Variants in PDE10A observed in about 807,000 individuals in gnomAD.
The protein encoded by PDE10A is cAMP and cAMP-inhibited cGMP 3',5'-cyclic phosphodiesterase 10A.
In PDE10A, 39 loss-of-function variants were observed where a neutral mutation model predicts 97.7. That is an observed-to-expected ratio of 0.40 (90% confidence interval 0.31 to 0.52). PDE10A has a LOEUF of 0.52. Among genes scored for constraint, PDE10A ranks in the 20% least tolerant of loss-of-function variants. PDE10A has a pLI of 0.56. For missense variants in PDE10A, 731 were observed against 1,047.8 expected, an observed-to-expected ratio of 0.70 and a Z score of 4.17; for synonymous variants, 371 against 376.8, an observed-to-expected ratio of 0.98 and a Z score of 0.18.
chr6:165,653,552 G>A (rs557046762), intron 1 of PDE10A, among the ~76,000 whole-genome samples: 69 of 152,264 alleles, frequency 4.5e-4, no homozygotes, highest in Non-Finnish European at 7.6e-4. Flanking sequence ...AGAGCTGCAG[G>A]GCCTGAGAGC....
intron 1 of PDE10A, chr6:165,781,729 A>C (rs1562733906): frequency 6.6e-6 from 1 of 152,434 alleles, no homozygotes; most frequent in Non-Finnish European, 1.5e-5. Flanking sequence ...GGGTGATGCT[A>C]AGTGAGAGGA....
rs185107938 is a variant in PDE10A at position 165,983,793 on chromosome 6, G to C, written c.-615+3736C>G. ...AGGCCCAAAGGGGTAAAAAACAACA[G>C]CACTGAGTTTGAGAGGCAGAGAAAA... On this transcript the variant is annotated intron_variant, in intron 1 of 19. Coordinates refer to the PDE10A transcript ENST00000366882. Among the ~76,000 whole-genome samples the C allele has an allele frequency of 1.4e-3, 210 of 152,312 alleles. 1 individual carries two copies. The highest frequency in any genetic ancestry group is 4.1e-3 in the Admixed American group (62 of 15,298).
chr6:165,904,612 T>C (rs978450000), intron 1 of PDE10A, among the ~76,000 whole-genome samples: 1 of 152,226 alleles, frequency 6.6e-6, no homozygotes, highest in Non-Finnish European at 1.5e-5. Flanking sequence ...GGCAGCAAGA[T>C]TTTTTGGAGG....
chr6:165,421,669 G>A (rs951024742), intron 10 of PDE10A, among the ~76,000 whole-genome samples: 18 of 152,314 alleles, frequency 1.2e-4, no homozygotes, highest in African/African-American at 4.1e-4. Context: ...AGAAGAACAT[G>A]TGAGGTATAC....
At chr6:165,668,730 AAG>A (rs2128435442) in intron 1 of PDE10A, among the ~76,000 whole-genome samples, 1 of 149,946 alleles carries the variant, frequency 6.7e-6, no homozygotes. Flanking sequence ...GAGAGAGAGA[AAG>A]AAAGAAAAGA....
At chr6:165,677,966 A>G (rs938350338) in intron 1 of PDE10A, among the ~76,000 whole-genome samples, 1 of 149,602 alleles carries the variant, frequency 6.7e-6, no homozygotes, top group Non-Finnish European at 1.5e-5. Context: ...TTGTATATCT[A>G]TGTGTTTTGT....
At chr6:165,400,683 G>A (rs1015544861) in intron 13 of PDE10A, among the ~76,000 whole-genome samples, 11 of 152,082 alleles carry the variant, frequency 7.2e-5, no homozygotes, top group African/African-American at 2.7e-4. Flanking sequence ...CCCCTCCCAT[G>A]TTACCCACCA....
chr6:165,490,144 C>A (rs549813055), intron 2 of PDE10A, among the ~76,000 whole-genome samples: 1 of 152,146 alleles, frequency 6.6e-6, no homozygotes, highest in Non-Finnish European at 1.5e-5. Context: ...ACAGAGTCAT[C>A]GGATTATCTA....
intron 1 of PDE10A, among the ~76,000 whole-genome samples, chr6:165,845,167 T>G (rs1016383343): frequency 6.6e-6 from 1 of 152,182 alleles, no homozygotes; most frequent in Non-Finnish European, 1.5e-5. Flanking sequence ...CTTTCTGAGA[T>G]CAGGGCATGT....
Position 165,662,917 on chromosome 6 carries a change from G to T in PDE10A, c.-106C>A, listed in dbSNP as rs1316409817. 6.6e-6 allele frequency among the ~76,000 whole-genome samples: 1 copy of T among 151,014 alleles called. No individual in the cohort carries two copies. Among genetic ancestry groups the T allele is most frequent in the East Asian group, 2.0e-4 (1 of 5,024 alleles). On this transcript the variant is annotated 5_prime_UTR_variant, in exon 1 of 22. Coordinates refer to ENST00000539869, the MANE Select transcript of PDE10A (RefSeq NM_001385079.1). ...CAGGACCTGCCCACCCCTGCCGGCC[G>T]CCCGAACCGCTGCCTGGTCCTCCTC...
At chr6:165,724,185 T>C (rs111897864) in intron 1 of PDE10A, among the ~76,000 whole-genome samples, 1,598 of 152,280 alleles carry the variant, frequency 0.01, 31 homozygotes, top group African/African-American at 0.037. Flanking sequence ...TAGGAAAAAT[T>C]GGAAAGTTTA....
At chr6:165,983,440 G>C (rs868263875) in intron 1 of PDE10A, among the ~76,000 whole-genome samples, 1 of 152,130 alleles carries the variant, frequency 6.6e-6, no homozygotes, top group African/African-American at 2.4e-5. Context: ...GAACAGGACC[G>C]AAGGGCTTTA....
At chr6:165,896,804 G>C (rs951743128) in intron 1 of PDE10A, among the ~76,000 whole-genome samples, 4 of 151,774 alleles carry the variant, frequency 2.6e-5, no homozygotes, top group Admixed American at 2.6e-4. Context: ...GATTACATGC[G>C]TGAGCCACCG....
intron 1 of PDE10A, among the ~76,000 whole-genome samples, chr6:165,629,173 G>C (rs889418315): frequency 6.6e-6 from 1 of 152,136 alleles, no homozygotes; most frequent in African/African-American, 2.4e-5. Flanking sequence ...CCGTGTGTGA[G>C]GAGAAAATCC....
chr6:165,832,239 C>CGGTGGGAGACAGAAGTGGT (rs1779941756), intron 1 of PDE10A, among the ~76,000 whole-genome samples: 1 of 152,046 alleles, frequency 6.6e-6, no homozygotes, highest in Non-Finnish European at 1.5e-5. Flanking sequence ...GCAGCTTCCT[C>CGGTGGGAGACAGAAGTGGT]GGTGGGAGAC....
At chr6:165,874,784 C>T (rs768877510) in intron 1 of PDE10A, among the ~76,000 whole-genome samples, 13 of 152,080 alleles carry the variant, frequency 8.5e-5, no homozygotes, top group Non-Finnish European at 1.6e-4. Flanking sequence ...TCCAGTATGG[C>T]GTAGTGGGTC....
intron 2 of PDE10A, among the ~76,000 whole-genome samples, chr6:165,524,870 G>C (rs1010561058): frequency 6.6e-6 from 1 of 152,088 alleles, no homozygotes; most frequent in African/African-American, 2.4e-5. Flanking sequence ...ATGAAGCTGG[G>C]GACACCAAGT....
chr6:165,577,034 A>C (rs1280224676), intron 1 of PDE10A, among the ~76,000 whole-genome samples: 1 of 152,238 alleles, frequency 6.6e-6, no homozygotes, highest in African/African-American at 2.4e-5. Flanking sequence ...TGCCACCATC[A>C]AAACAAAGTC....
Position 165,479,081 on chromosome 6 carries a change from G to A in PDE10A, c.1023+3234C>T, listed in dbSNP as rs192032790. ...AACCTCCTGAGGTTGTCATAGGCAT[G>A]TCCTTAACCTTGTCAAAATCAGCTT... is the stretch of plus-strand genomic sequence containing the variant. On this transcript the variant is annotated intron_variant, in intron 3 of 21. Transcript: ENST00000539869. Among the ~76,000 whole-genome samples, 340 of 152,306 alleles carry A rather than the reference G, an allele frequency of 2.2e-3. 1 individual carries two copies. The highest frequency in any genetic ancestry group is 4.1e-3 in the Non-Finnish European group (280 of 68,034).
Sources: gnomAD v4.1 joint callset for allele counts (sites outside exome capture counted in the v4.1 genomes callset) on GRCh38, gnomAD v4.1.1 for gene constraint, MANE v1.5 for transcripts, NCBI Gene and HGNC (gene_info 2026-07-23, HGNC 2026-07-21) for gene names.